Variants in NWD2 observed in about 807,000 individuals in gnomAD.
NWD2 encodes the protein NACHT and WD repeat domain containing 2.
In NWD2, 37 loss-of-function variants were observed where a neutral mutation model predicts 132.7. The ratio of observed to expected loss-of-function variants is 0.28; its 90% CI spans 0.21 to 0.37. The LOEUF (loss-of-function observed/expected upper bound fraction) is 0.37, where lower values mean the gene tolerates loss of function less well. NWD2 is among the 10% of genes least tolerant of loss of function. The pLI is 1.00. For missense variants in NWD2, 1,592 were observed against 2,122.4 expected, an observed-to-expected ratio of 0.75 and a Z score of 4.91; for synonymous variants, 705 against 803.0, an observed-to-expected ratio of 0.88 and a Z score of 2.06.
At chr4:37,432,227 G>A (rs991155344) in intron 4 of NWD2, among the ~76,000 whole-genome samples, 10 of 151,920 alleles carry the variant, frequency 6.6e-5, no homozygotes, top group Admixed American at 2.0e-4. Flanking sequence ...GTCCTCTACA[G>A]CTTCTAATTC....
At chr4:37,245,551 T>C (rs1355885989) in intron 1 of NWD2, among the ~76,000 whole-genome samples, 3 of 66,142 alleles carry the variant, frequency 4.5e-5, no homozygotes, top group Admixed American at 1.6e-4. Context: ...CCCCCGCCCT[T>C]TTTTTTTTTT....
intron 1 of NWD2, among the ~76,000 whole-genome samples, chr4:37,297,461 G>T (rs1456466080): frequency 1.3e-5 from 2 of 152,064 alleles, no homozygotes; most frequent in South Asian, 2.1e-4. Context: ...CATATCCTTT[G>T]CAGCTAAATG....
intron 1 of NWD2, among the ~76,000 whole-genome samples, chr4:37,267,409 C>G (rs1717776427): frequency 6.6e-6 from 1 of 151,936 alleles, no homozygotes; most frequent in Admixed American, 6.6e-5. Flanking sequence ...TAGAGGAAAA[C>G]AGGGCCAGCC....
chr4:37,300,378 G>C (rs1434364174), intron 1 of NWD2, among the ~76,000 whole-genome samples: 1 of 152,124 alleles, frequency 6.6e-6, no homozygotes, highest in East Asian at 1.9e-4. Flanking sequence ...CATGCTAGTG[G>C]AGTGTAAAGT....
At chr4:37,317,682 G>A (rs893182110) in intron 1 of NWD2, among the ~76,000 whole-genome samples, 6 of 152,152 alleles carry the variant, frequency 3.9e-5, no homozygotes, top group Non-Finnish European at 7.4e-5. Context: ...TTGGCTGTTT[G>A]ACAGATCTTT....
intron 2 of NWD2, among the ~76,000 whole-genome samples, chr4:37,338,858 A>T (rs1719464780): frequency 6.6e-6 from 1 of 152,118 alleles, no homozygotes; most frequent in Non-Finnish European, 1.5e-5. Context: ...CCTGCCTGAG[A>T]ATCTCAAAAT....
intron 3 of NWD2, among the ~76,000 whole-genome samples, chr4:37,359,705 G>C (rs1039653181): frequency 6.6e-6 from 1 of 152,158 alleles, no homozygotes; most frequent in African/African-American, 2.4e-5. Flanking sequence ...TAAACACCCA[G>C]GGAATTGAGT....
At chr4:37,294,417 G>A (rs1049085898) in intron 1 of NWD2, among the ~76,000 whole-genome samples, 6 of 151,930 alleles carry the variant, frequency 3.9e-5, no homozygotes, top group South Asian at 2.1e-4. Flanking sequence ...CTCATTTCCC[G>A]CCCCTGTAGG....
chr4:37,398,242 C>T (rs1720837507), intron 3 of NWD2, among the ~76,000 whole-genome samples: 1 of 152,140 alleles, frequency 6.6e-6, no homozygotes, highest in Admixed American at 6.5e-5. Flanking sequence ...AAATGTGGCA[C>T]ATATACACCA....
intron 5 of NWD2, among the ~76,000 whole-genome samples, chr4:37,436,146 A>T (rs1015607811): frequency 1.4e-4 from 21 of 152,220 alleles, no homozygotes; most frequent in African/African-American, 4.6e-4. Flanking sequence ...TTTCTCATGG[A>T]TAATAGTTAC....
chr4:37,361,570 GA>G (rs903740221), intron 3 of NWD2, among the ~76,000 whole-genome samples: 1 of 152,068 alleles, frequency 6.6e-6, no homozygotes, highest in Non-Finnish European at 1.5e-5. Flanking sequence ...CACATAAACA[GA>G]GTTAAAAACC....
At chr4:37,401,988 G>A (rs138890799) in intron 3 of NWD2, among the ~76,000 whole-genome samples, 1 of 152,192 alleles carries the variant, frequency 6.6e-6, no homozygotes, top group African/African-American at 2.4e-5. Context: ...TTAAGAGCTG[G>A]GACTTTTAAG....
intron 3 of NWD2, among the ~76,000 whole-genome samples, chr4:37,421,340 T>C (rs1260005824): frequency 6.6e-6 from 1 of 152,222 alleles, no homozygotes; most frequent in African/African-American, 2.4e-5. Context: ...ATGGCTCCAT[T>C]TCATGTGACT....
At chr4:37,417,906 A>G (rs1489062227) in intron 3 of NWD2, among the ~76,000 whole-genome samples, 2 of 152,196 alleles carry the variant, frequency 1.3e-5, no homozygotes, top group African/African-American at 2.4e-5. Context: ...TTTAATATAC[A>G]GTAGAGATAG....
At chr4:37,262,663 C>T (rs573257076) in intron 1 of NWD2, among the ~76,000 whole-genome samples, 21 of 152,138 alleles carry the variant, frequency 1.4e-4, no homozygotes, top group African/African-American at 4.8e-4. Flanking sequence ...CCAGGTACCT[C>T]GGAACTAAAA....
intron 1 of NWD2, among the ~76,000 whole-genome samples, chr4:37,320,251 T>C (rs763077762): frequency 6.6e-6 from 1 of 152,176 alleles, no homozygotes; most frequent in Non-Finnish European, 1.5e-5. Flanking sequence ...CAGGAGCAAG[T>C]AATGGCTGAA....
intron 3 of NWD2, among the ~76,000 whole-genome samples, chr4:37,406,973 T>C (rs537545996): frequency 6.6e-6 from 1 of 151,922 alleles, no homozygotes; most frequent in Non-Finnish European, 1.5e-5. Flanking sequence ...TCTCAGCAAA[T>C]TAACACAGGA....
intron 3 of NWD2, among the ~76,000 whole-genome samples, chr4:37,426,392 T>C (rs1287041648): frequency 1.3e-5 from 2 of 152,200 alleles, no homozygotes; most frequent in Non-Finnish European, 2.9e-5. Context: ...AAGTTCTGTA[T>C]TACCACTTTA....
At chr4:37,258,854 T>C (rs183345138) in intron 1 of NWD2, among the ~76,000 whole-genome samples, 28 of 152,386 alleles carry the variant, frequency 1.8e-4, no homozygotes, top group African/African-American at 6.3e-4. Flanking sequence ...TTACCATTTT[T>C]CTTTTGGAAA....
Sources: gnomAD v4.1 joint callset for allele counts (sites outside exome capture counted in the v4.1 genomes callset) on GRCh38, gnomAD v4.1.1 for gene constraint, MANE v1.5 for transcripts, NCBI Gene and HGNC (gene_info 2026-07-23, HGNC 2026-07-21) for gene names.